The following FGFR2 variants were observed in gnomAD, a reference collection of about 807,000 sequenced individuals.
FGFR2 encodes the protein fibroblast growth factor receptor 2.
FGFR2 carries 19 observed loss-of-function variants against 95.9 expected under a neutral mutation model. The observed-to-expected ratio is 0.20, with a 90% CI of 0.14 to 0.29. The LOEUF is 0.29. FGFR2 is among the 10% of genes least tolerant of loss of function. The pLI is 1.00. For synonymous variants in FGFR2, 392 were observed against 393.3 expected, an observed-to-expected ratio of 1.00 and a Z score of 0.04; for missense variants, 707 against 1,056.9, an observed-to-expected ratio of 0.67 and a Z score of 4.59.
chr10:121,578,465 A>G (rs1318471676), intron 2 of FGFR2, among the ~76,000 whole-genome samples: 2 of 152,226 alleles, frequency 1.3e-5, no homozygotes, highest in Non-Finnish European at 2.9e-5. Context: ...TAGGACATGC[A>G]CAGCCAAAGA....
At chr10:121,543,763 C>T (rs999572325) in intron 5 of FGFR2, among the ~76,000 whole-genome samples, 7 of 152,116 alleles carry the variant, frequency 4.6e-5, no homozygotes, top group African/African-American at 9.7e-5. Context: ...AGAACAGGGC[C>T]GGGCAATCTG....
At chr10:121,575,532 T>C (rs757288705) in intron 2 of FGFR2, among the ~76,000 whole-genome samples, 2 of 152,140 alleles carry the variant, frequency 1.3e-5, no homozygotes, top group African/African-American at 2.4e-5. Flanking sequence ...CTCCTAGATA[T>C]GGGCAGCTTT....
At chr10:121,504,005 C>G (rs1365030922) in intron 9 of FGFR2, 64 bp from the exon 10 acceptor site, 1 of 1,588,288 alleles carries the variant, frequency 6.3e-7, no homozygotes, top group Non-Finnish European at 8.6e-7. Flanking sequence ...TGGAAGTCAG[C>G]CAGAGCCCAG....
chr10:121,572,158 G>GAAAAAAA (rs71022844), intron 2 of FGFR2, among the ~76,000 whole-genome samples: 1 of 105,848 alleles, frequency 9.4e-6, no homozygotes, highest in Non-Finnish European at 1.9e-5. Context: ...CACAAAAAAT[G>GAAAAAAA]AAAAAAAAAA....
intron 4 of FGFR2, among the ~76,000 whole-genome samples, chr10:121,563,358 A>T: frequency 6.6e-6 from 1 of 152,182 alleles, no homozygotes. Context: ...TGGGTGACAG[A>T]ACAAGACTGC....
In FGFR2 at chr10:121,479,720, G is replaced by A. The variant is rs777204983; in HGVS notation, c.*137C>T. ...CTGTATAAATCTTTACACATATGCT[G>A]ATTACTTTTCCAATTATTTACTCCT... is the stretch of plus-strand genomic sequence containing the variant. On this transcript the variant is annotated 3_prime_UTR_variant, in exon 18 of 18. Transcript: ENST00000358487. 2 of 1,605,744 alleles carry A rather than the reference G, an allele frequency of 1.2e-6. No homozygotes were observed. The highest frequency in any genetic ancestry group is 1.7e-5 in the Admixed American group (1 of 58,380).
intron 6 of FGFR2, chr10:121,526,123 C>T (rs1167347427): frequency 2.5e-6 from 1 of 398,452 alleles, no homozygotes; most frequent in Non-Finnish European, 4.4e-6. Flanking sequence ...CTCGCTTGCT[C>T]TGTCTTTAAA....
chr10:121,486,763 C>A (rs1225428777), intron 15 of FGFR2, among the ~76,000 whole-genome samples: 1 of 152,166 alleles, frequency 6.6e-6, no homozygotes, highest in Non-Finnish European at 1.5e-5. Flanking sequence ...ATTTTCAAAT[C>A]TAAAATATCA....
At chr10:121,546,564 G>A (rs560373498) in intron 5 of FGFR2, among the ~76,000 whole-genome samples, 2 of 152,164 alleles carry the variant, frequency 1.3e-5, no homozygotes, top group Non-Finnish European at 2.9e-5. Context: ...CTGAACTGCC[G>A]AATTCCAAAT....
At chr10:121,524,145 CA>C (rs1378075096) in intron 6 of FGFR2, among the ~76,000 whole-genome samples, 2,722 of 142,580 alleles carry the variant, frequency 0.019, 78 homozygotes, top group African/African-American at 0.062. Context: ...CACACACACA[CA>C]CCCCAAGTTT....
chr10:121,520,263 T>G (rs1419962597), intron 6 of FGFR2, 94 bp from the exon 7 acceptor site: 1 of 1,333,832 alleles, frequency 7.5e-7, no homozygotes, highest in Non-Finnish European at 1.0e-6. Flanking sequence ...AGTGACCTCA[T>G]GCCAGAAAAG....
chr10:121,494,422 T>A (rs1322698495), intron 13 of FGFR2, among the ~76,000 whole-genome samples: 3 of 152,082 alleles, frequency 2.0e-5, no homozygotes, highest in African/African-American at 7.2e-5. Flanking sequence ...TTTAATAAAA[T>A]GACTGAGCCA....
chr10:121,577,473 T>C (rs1242639899), intron 2 of FGFR2, among the ~76,000 whole-genome samples: 1 of 152,050 alleles, frequency 6.6e-6, no homozygotes, highest in Non-Finnish European at 1.5e-5. Flanking sequence ...GGGGCAGGGC[T>C]CCTGGTCTAT....
In FGFR2 at chr10:121,551,370, C is replaced by G. The variant is rs200766273; in HGVS notation, c.544G>C (p.Gly182Arg). The change falls in exon 5 of 18, where the codon GGG becomes CGG. Residue 182 changes from glycine (G) to arginine (R), a missense_variant. Physicochemically the swap from Gly to Arg is moderately radical, Grantham distance 125. Transcript: ENST00000358487. ...CGCATGGTTGGCATTGGGTTCCCCC[C>G]GGCTGGGCAGCGAAACTTGACAGTG... ...ANTVKFRCPA[G>R]GNPMPTMRWL... 1.2e-6 allele frequency: 2 copies of G among 1,614,212 alleles called. No homozygotes were observed. The highest frequency in any genetic ancestry group is 2.2e-5 in the East Asian group (1 of 44,892).
chr10:121,510,963 A>G (rs1848981147), intron 9 of FGFR2, among the ~76,000 whole-genome samples: 1 of 151,806 alleles, frequency 6.6e-6, no homozygotes, highest in Non-Finnish European at 1.5e-5. Context: ...CACCACACCC[A>G]GCTAATTTTT....
intron 4 of FGFR2, among the ~76,000 whole-genome samples, chr10:121,561,977 A>G (rs1351512194): frequency 6.6e-6 from 1 of 152,248 alleles, no homozygotes; most frequent in Admixed American, 6.5e-5. Context: ...AATTTAAATT[A>G]AAACAACAAA....
chr10:121,538,370 G>A (rs772986013), intron 6 of FGFR2: 14 of 803,564 alleles, frequency 1.7e-5, no homozygotes, highest in Non-Finnish European at 2.7e-5. Context: ...ATGACGCTTG[G>A]GAACCATGAG....
intron 2 of FGFR2, among the ~76,000 whole-genome samples, chr10:121,593,407 G>A (rs1382948152): frequency 1.3e-5 from 2 of 152,096 alleles, no homozygotes; most frequent in Non-Finnish European, 2.9e-5. Context: ...TCCTCCCAAG[G>A]TTCATCCCTT....
chr10:121,501,052 T>C (rs938296120), intron 10 of FGFR2, 105 bp from the exon 11 acceptor site: 3 of 1,504,704 alleles, frequency 2.0e-6, no homozygotes, highest in Non-Finnish European at 2.7e-6. Context: ...TACTAAAGCA[T>C]GGAGTGCTTA....
Sources: gnomAD v4.1 joint callset for allele counts (sites outside exome capture counted in the v4.1 genomes callset) on GRCh38, gnomAD v4.1.1 for gene constraint, MANE v1.5 for transcripts, NCBI Gene and HGNC (gene_info 2026-07-23, HGNC 2026-07-21) for gene names.